Variants in SLC35D4 observed in about 807,000 individuals in gnomAD.
The protein encoded by SLC35D4 is solute carrier family 35 member D4, also known as UDP-N-acetylglucosamine transporter SLC35D4.
chr18:23,336,453 G>C, the SLC35D4 span, among the ~76,000 whole-genome samples: 1 of 152,106 alleles, frequency 6.6e-6, no homozygotes, highest in East Asian at 1.9e-4. Context: ...TGCCATAGCC[G>C]CTGAGACAGT....
the SLC35D4 span, among the ~76,000 whole-genome samples, chr18:23,317,247 C>T: frequency 1.3e-5 from 2 of 152,130 alleles, no homozygotes; most frequent in African/African-American, 2.4e-5. Context: ...CAGGATTTAG[C>T]ATTTTTAAAA....
At chr18:23,327,270 T>A in the SLC35D4 span, among the ~76,000 whole-genome samples, 1 of 152,122 alleles carries the variant, frequency 6.6e-6, no homozygotes, top group Non-Finnish European at 1.5e-5. Context: ...AGCTGGTTTT[T>A]TGAAAAGATC....
chr18:23,408,109 C>T, the SLC35D4 span, among the ~76,000 whole-genome samples: 1 of 150,850 alleles, frequency 6.6e-6, no homozygotes, highest in Non-Finnish European at 1.5e-5. Context: ...GTCCTTCTTA[C>T]CCACTCTCTA....
the SLC35D4 span, among the ~76,000 whole-genome samples, chr18:23,362,788 A>G: frequency 3.3e-5 from 5 of 152,144 alleles, no homozygotes; most frequent in Non-Finnish European, 1.5e-5. Flanking sequence ...CAGGGTTTCA[A>G]TTTCCTCATT....
the SLC35D4 span, among the ~76,000 whole-genome samples, chr18:23,382,159 G>A: frequency 2.7e-5 from 4 of 146,098 alleles, no homozygotes; most frequent in African/African-American, 1.0e-4. Flanking sequence ...AGAATCGCTT[G>A]AACCCGGGCA....
chr18:23,418,642 G>T, the SLC35D4 span, among the ~76,000 whole-genome samples: 1 of 151,388 alleles, frequency 6.6e-6, no homozygotes, highest in African/African-American at 2.4e-5. Context: ...CCCGGTAGAG[G>T]AGCCAAAAGT....
the SLC35D4 span, among the ~76,000 whole-genome samples, chr18:23,384,001 TG>T: frequency 0.06 from 2,257 of 37,410 alleles, 55 homozygotes; most frequent in African/African-American, 0.15. Context: ...TTCCAAAAAT[TG>T]GGGGGGGGGG....
the SLC35D4 span, among the ~76,000 whole-genome samples, chr18:23,398,138 A>G: frequency 6.6e-6 from 1 of 152,198 alleles, no homozygotes; most frequent in Non-Finnish European, 1.5e-5. Context: ...AAGACTTTCC[A>G]CACCTACATC....
At chr18:23,286,354 G>C in the SLC35D4 span, among the ~76,000 whole-genome samples, 2 of 152,146 alleles carry the variant, frequency 1.3e-5, no homozygotes. Flanking sequence ...AGGAATGCCC[G>C]CAGCCCAGGA....
the SLC35D4 span, among the ~76,000 whole-genome samples, chr18:23,415,569 C>T: frequency 1.3e-5 from 2 of 152,208 alleles, no homozygotes; most frequent in African/African-American, 2.4e-5. Context: ...CATGGTCTCA[C>T]GGTGCTAACA....
the SLC35D4 span, among the ~76,000 whole-genome samples, chr18:23,374,234 C>A: frequency 6.6e-6 from 1 of 152,328 alleles, no homozygotes; most frequent in East Asian, 1.9e-4. Context: ...CTTAACACCA[C>A]CAATAATGAG....
the SLC35D4 span, among the ~76,000 whole-genome samples, chr18:23,246,131 G>C: frequency 1.3e-5 from 2 of 152,058 alleles, no homozygotes; most frequent in African/African-American, 4.8e-5. Context: ...GGGTGTGGTG[G>C]TGCACACCTG....
At chr18:23,351,736 G>A in the SLC35D4 span, among the ~76,000 whole-genome samples, 16 of 152,174 alleles carry the variant, frequency 1.1e-4, no homozygotes, top group African/African-American at 3.6e-4. Context: ...CCACTTCCCC[G>A]CTCCTTCTGT....
chr18:23,420,003 C>T, the SLC35D4 span, among the ~76,000 whole-genome samples: 3 of 151,860 alleles, frequency 2.0e-5, no homozygotes, highest in African/African-American at 4.8e-5. Context: ...ATAGGGAAAG[C>T]ATGGTAAAAT....
At chr18:23,428,807 T>G in the SLC35D4 span, among the ~76,000 whole-genome samples, 46 of 152,258 alleles carry the variant, frequency 3.0e-4, no homozygotes, top group South Asian at 8.3e-3. Context: ...CAGTACCTAA[T>G]AGGTAGTTTT....
the SLC35D4 span, among the ~76,000 whole-genome samples, chr18:23,255,855 C>G: frequency 6.6e-6 from 1 of 152,048 alleles, no homozygotes; most frequent in Non-Finnish European, 1.5e-5. Flanking sequence ...GTCACCATAC[C>G]CGGCCAAGAA....
At chr18:23,431,872 T>C in the SLC35D4 span, among the ~76,000 whole-genome samples, 1 of 152,226 alleles carries the variant, frequency 6.6e-6, no homozygotes, top group Admixed American at 6.5e-5. Flanking sequence ...ATTAAACGGC[T>C]TTAGGCAAGG....
chr18:23,376,769 G>A, the SLC35D4 span: 43 of 455,610 alleles, frequency 9.4e-5, no homozygotes, highest in African/African-American at 7.2e-4. Context: ...GAAGATGGGG[G>A]ATACCCAAGG....
chr18:23,418,995 G>A, the SLC35D4 span, among the ~76,000 whole-genome samples: 1,957 of 151,568 alleles, frequency 0.013, 36 homozygotes, highest in African/African-American at 0.045. Flanking sequence ...GTGACAGAGC[G>A]AGACTCTGTC....
Sources: allele counts gnomAD v4.1 joint callset (sites outside exome capture counted in the v4.1 genomes callset), GRCh38; gene constraint gnomAD v4.1.1; transcripts MANE v1.5; gene names NCBI Gene and HGNC (gene_info 2026-07-23, HGNC 2026-07-21).